The following LPIN2 variants were observed in gnomAD, a reference collection of about 807,000 sequenced individuals.
The protein encoded by LPIN2 is lipin 2.
Under a neutral mutation model 111.4 loss-of-function variants are expected in LPIN2, and 55 were observed. The ratio of observed to expected loss-of-function variants is 0.49; its 90% CI spans 0.40 to 0.62. The LOEUF (loss-of-function observed/expected upper bound fraction) is 0.62, where lower values mean the gene tolerates loss of function less well. Ranked by LOEUF, LPIN2 falls within the 20% of genes least tolerant of loss-of-function variation. LPIN2 has a pLI of 0.00. For synonymous variants in LPIN2, 425 were observed against 414.0 expected, an observed-to-expected ratio of 1.03 and a Z score of -0.32; for missense variants, 992 against 1,112.1, an observed-to-expected ratio of 0.89 and a Z score of 1.54.
chr18:2,940,751 A>AT, intron 4 of LPIN2, 39 bp from the exon 5 acceptor site: 1 of 1,229,924 alleles, frequency 8.1e-7, no homozygotes, highest in Non-Finnish European at 1.2e-6. Flanking sequence ...GAACGATGAC[A>AT]TTCTTGTCAG....
In LPIN2 at chr18:2,943,434, G is replaced by A. The variant is rs11080997; in HGVS notation, c.591-2722C>T. 1.1e-3 allele frequency among the ~76,000 whole-genome samples: 82 copies of A among 73,932 alleles called. 1 individual carries two copies. Among genetic ancestry groups the A allele is most frequent in the East Asian group, 0.01 (52 of 4,976 alleles). 48.5% of individuals were successfully genotyped at this position (73,932 alleles called of 152,430 possible). A position where few individuals can be genotyped will look rare whatever the true frequency, so the allele number is the denominator to read the frequency against. Reference sequence around the variant, plus strand: ...CAGACTAAATATAAAAGCTGCGTGTGTGTGTGTGTGTGTGTGTGTGTGTGT... The same window carrying A: ...CAGACTAAATATAAAAGCTGCGTGTATGTGTGTGTGTGTGTGTGTGTGTGT... On this transcript the variant is annotated intron_variant, in intron 4 of 19. Transcript: ENST00000677752.
At chr18:2,985,669 G>T (rs376374616) in intron 1 of LPIN2, among the ~76,000 whole-genome samples, 2 of 152,126 alleles carry the variant, frequency 1.3e-5, no homozygotes, top group South Asian at 2.1e-4. Flanking sequence ...TAGGTATACA[G>T]GGCTTTTTAA....
chr18:2,951,119 C>T lies in LPIN2; in HGVS notation c.526G>A (p.Ala176Thr). 1 of 1,614,204 alleles carries T rather than the reference C, an allele frequency of 6.2e-7. No homozygotes were observed. The highest frequency in any genetic ancestry group is 8.5e-7 in the Non-Finnish European group (1 of 1,180,044). Residue 176 changes from alanine (A) to threonine (T), a missense_variant, in exon 4 of 20, where the codon GCT becomes ACT. By Grantham distance (58) the Ala-to-Thr change is moderately conservative (BLOSUM62 0). This residue lies in a region of LPIN2 where 709 missense variants were observed against 753.2 expected (regional missense o/e 0.94). Coordinates refer to ENST00000677752, the MANE Select transcript of LPIN2 (RefSeq NM_001375808.2). ...SKKEEQAASA[A>T]AEDTCDVGVS... ...CCTACATCACATGTGTCTTCTGCAG[C>T]AGCAGATGCGGCCTGCTCTTCCTTC...
At position 2,925,111 on chromosome 18, in the gene LPIN2, A is replaced by G. The variant is rs1421253225; in HGVS notation, c.1938+113T>C. ...ACTGTGGATAGGCATTGACACGACC[A>G]TGCCGTGTGGCGTGTATGCAGCTGG... On this transcript the variant is annotated intron_variant, in intron 14 of 19. Coordinates refer to ENST00000677752, the MANE Select transcript of LPIN2 (RefSeq NM_001375808.2). This position sits in a 1 kb window ranked among gnomAD's most constrained non-coding sequence, Gnocchi z 4.1. 2.2e-6 allele frequency: 3 copies of G among 1,364,632 alleles called. No homozygotes were observed. Among genetic ancestry groups the G allele is most frequent in the African/African-American group, 1.4e-5 (1 of 70,122 alleles). The allele number at this position is 1,364,632 out of a possible 1,614,324, so 84.5% of individuals were successfully genotyped here.
At chr18:3,005,956 G>C (rs573736229) in intron 1 of LPIN2, among the ~76,000 whole-genome samples, 66 of 152,330 alleles carry the variant, frequency 4.3e-4, no homozygotes, top group African/African-American at 1.5e-3. Context: ...AACTGTCAGA[G>C]TCCTTGGGCA....
At chr18:2,938,558 A>AAGTT (rs1424101858) in intron 6 of LPIN2, among the ~76,000 whole-genome samples, 2 of 152,120 alleles carry the variant, frequency 1.3e-5, no homozygotes, top group African/African-American at 4.8e-5. Flanking sequence ...TTCTACTGTG[A>AAGTT]AGTTATACTG....
chr18:2,925,477 G>A lies in LPIN2; in HGVS notation c.1794-109C>T, dbSNP rs2077117698. 9.8e-6 allele frequency: 14 copies of A among 1,431,348 alleles called. No homozygotes were observed. The East Asian group carries it at 1.6e-4, about 16-fold the overall frequency. The allele number at this position is 1,431,348 out of a possible 1,614,324, so 88.7% of individuals were successfully genotyped here. A position where few individuals can be genotyped will look rare whatever the true frequency, so the allele number is the denominator to read the frequency against. On this transcript the variant is annotated intron_variant, in intron 13 of 19. Coordinates refer to ENST00000677752, the MANE Select transcript of LPIN2 (RefSeq NM_001375808.2). The surrounding 1 kb of genome is among the most constrained non-coding windows in gnomAD (Gnocchi z 4.1). ...GATATCCTAAATCTTTTCTAGGAAT[G>A]GGTAGAGTTATCCCTTCTGCCATTC...
chr18:2,921,256 T>C (rs1354715885), intron 18 of LPIN2: 5 of 567,080 alleles, frequency 8.8e-6, no homozygotes, highest in South Asian at 2.0e-5. Context: ...CAGAACTGCT[T>C]AGAAGAGGAG....
At chr18:2,931,162 G>A (rs568450700) in intron 9 of LPIN2, 94 bp downstream of exon 9, 62 of 1,386,148 alleles carry the variant, frequency 4.5e-5, no homozygotes, top group African/African-American at 1.4e-4. Flanking sequence ...CCTAAAGAAT[G>A]TAAATATCCT....
intron 1 of LPIN2, chr18:2,982,653 G>GC: frequency 4.1e-6 from 5 of 1,215,690 alleles, no homozygotes; most frequent in Non-Finnish European, 5.5e-6. Flanking sequence ...AGGGACATTG[G>GC]GAGATGTAAC....
intron 1 of LPIN2, among the ~76,000 whole-genome samples, chr18:3,003,171 G>C (rs1049077044): frequency 6.6e-6 from 1 of 152,188 alleles, no homozygotes; most frequent in Non-Finnish European, 1.5e-5. Context: ...AGGTCTATGA[G>C]TATATTTCTA....
At chr18:2,921,189 A>C (rs1214291973) in intron 18 of LPIN2, 2 of 546,426 alleles carry the variant, frequency 3.7e-6, no homozygotes, top group Non-Finnish European at 6.5e-6. Flanking sequence ...CAGGTTGGGA[A>C]GTGCTAGCGA....
intron 10 of LPIN2, 106 bp from the exon 11 acceptor site, chr18:2,928,766 C>T (rs1022028336): frequency 1.2e-6 from 1 of 869,036 alleles, no homozygotes; most frequent in Non-Finnish European, 1.9e-6. Flanking sequence ...TATAAAATTG[C>T]TTATTCTTTT....
At chr18:2,929,568 G>A (rs138537015) in intron 9 of LPIN2, among the ~76,000 whole-genome samples, 1 of 152,146 alleles carries the variant, frequency 6.6e-6, no homozygotes, top group Non-Finnish European at 1.5e-5. Context: ...ATATTCATAG[G>A]GGTCTTACAG....
At chr18:2,971,439 A>G (rs1363583341) in intron 1 of LPIN2, among the ~76,000 whole-genome samples, 1 of 152,046 alleles carries the variant, frequency 6.6e-6, no homozygotes, top group East Asian at 1.9e-4. Context: ...CCCTCTCCCT[A>G]CCACAGCACC....
Position 2,927,716 on chromosome 18 carries a change from T to C in LPIN2, c.1710+6A>G. 6.2e-7 allele frequency: 1 copy of C among 1,613,806 alleles called. No homozygotes were observed. Among genetic ancestry groups the C allele is most frequent in the Non-Finnish European group, 8.5e-7 (1 of 1,179,652 alleles). On this transcript the variant is annotated splice_donor_region_variant and intron_variant, in intron 12 of 19. Transcript: ENST00000677752. ...CCACGGAAACAATGACCTCTAGGTC[T>C]GTTACCTGTTTGGTCATGCTTTCTC...
chr18:2,997,013 A>G (rs968265085), intron 1 of LPIN2, among the ~76,000 whole-genome samples: 6 of 148,128 alleles, frequency 4.1e-5, no homozygotes, highest in African/African-American at 1.3e-4. Flanking sequence ...ACAGAGTCTC[A>G]CTCCCTCACC....
In LPIN2 at chr18:2,927,504, C is replaced by T. The variant is rs112797038; in HGVS notation, c.1710+218G>A. 5.0e-3 allele frequency among the ~76,000 whole-genome samples: 764 copies of T among 152,294 alleles called. 8 individuals carry two copies. Among genetic ancestry groups the T allele is most frequent in the African/African-American group, 0.017 (720 of 41,550 alleles). Reference sequence around the variant, plus strand: ...TTCGTGAAGCACCCAAGTTTCCTTACCTGTGAAATGGCAACTCGAACATCT... The same window carrying T: ...TTCGTGAAGCACCCAAGTTTCCTTATCTGTGAAATGGCAACTCGAACATCT... On this transcript the variant is annotated intron_variant, in intron 12 of 19. Coordinates refer to ENST00000677752, the MANE Select transcript of LPIN2 (RefSeq NM_001375808.2).
chr18:3,010,019 G>A (rs543674193), intron 1 of LPIN2, among the ~76,000 whole-genome samples: 2 of 152,168 alleles, frequency 1.3e-5, no homozygotes, highest in African/African-American at 2.4e-5. Flanking sequence ...GCTTCCACCA[G>A]CTTCCTGCTG....
Sources: gnomAD v4.1 joint callset for allele counts (sites outside exome capture counted in the v4.1 genomes callset) on GRCh38, gnomAD v4.1.1 for gene constraint, gnomAD v4.1.1 regional missense constraint, Gnocchi (gnomAD v3.1) non-coding constraint, MANE v1.5 for transcripts, NCBI Gene and HGNC (gene_info 2026-07-23, HGNC 2026-07-21) for gene names.